Variants in OR2V1 observed in about 807,000 individuals in gnomAD.
OR2V1 encodes the protein olfactory receptor family 2 subfamily V member 1, also known as olfactory receptor 2V1.
OR2V1 carries 18 observed loss-of-function variants against 15.0 expected under a neutral mutation model. That is an observed-to-expected ratio of 1.20 (90% CI 0.83 to 1.78). The LOEUF (loss-of-function observed/expected upper bound fraction) is 1.78. Among genes scored for constraint, OR2V1 ranks in the 40% most tolerant of loss-of-function variants. The probability of loss-of-function intolerance (pLI) is 0.00; values close to 1 mark genes in which losing one functional copy is unlikely to be tolerated. For synonymous variants in OR2V1, 144 were observed against 146.1 expected (o/e 0.99, Z 0.10); for missense variants, 359 against 392.9 (o/e 0.91, Z 0.73).
rs770303238 is a variant in OR2V1 at position 181,131,133 on chromosome 5, G to C, written c.-204C>G. 1 of 152,300 alleles carries C rather than the reference G, an allele frequency of 6.6e-6. No individual in the cohort carries two copies. Among genetic ancestry groups the C allele is most frequent in the Non-Finnish European group, 1.5e-5 (1 of 68,104 alleles). 9.4% of individuals were successfully genotyped at this position (152,300 alleles called of 1,614,324 possible). ...GCGTTTCTGCAGGGTCAGTGTCTTC[G>C]TGGGCTGCTGGGGATGGGGCTGAAG... On this transcript the variant is annotated 5_prime_UTR_variant, in exon 1 of 4. Coordinates refer to ENST00000641551, the MANE Select transcript of OR2V1 (RefSeq NM_001258283.2).
chr5:181,130,404 A>T, intron 1 of OR2V1, 189 bp from the exon 2 acceptor site: 1 of 395,174 alleles, frequency 2.5e-6, no homozygotes, highest in Non-Finnish European at 4.5e-6. Context: ...CAAGGCTCAC[A>T]CAGACCACAG....
rs1762824994 is a variant in OR2V1, at chr5:181,123,180, T to C, written c.*1177A>G. 1 of 152,220 alleles carries C rather than the reference T, an allele frequency of 6.6e-6. No individual in the cohort carries two copies. The highest frequency in any genetic ancestry group is 1.5e-5 in the Non-Finnish European group (1 of 68,046). The allele number at this position is 152,220 out of a possible 1,614,324, so 9.4% of individuals were successfully genotyped here. Reference sequence around the variant, plus strand: ...CTCTCTTCTTGCATTCATTCAATAATGTTTTATTGAGCAACTGCTACTTAT... The same window carrying C: ...CTCTCTTCTTGCATTCATTCAATAACGTTTTATTGAGCAACTGCTACTTAT... On this transcript the variant is annotated 3_prime_UTR_variant, in exon 4 of 4. Coordinates refer to ENST00000641551, the MANE Select transcript of OR2V1 (RefSeq NM_001258283.2).
At chr5:181,125,885 T>C (rs1762865810) in intron 3 of OR2V1, among the ~76,000 whole-genome samples, 1 of 152,108 alleles carries the variant, frequency 6.6e-6, no homozygotes, top group African/African-American at 2.4e-5. Context: ...CTCGGGAGGC[T>C]GAGGCAGGAG....
chr5:181,126,553 C>A (rs1250386797), intron 3 of OR2V1, among the ~76,000 whole-genome samples: 2 of 151,770 alleles, frequency 1.3e-5, no homozygotes. Context: ...CAGACACACA[C>A]ATATACACAT....
chr5:181,127,045 AC>A (rs1320731284), intron 3 of OR2V1, among the ~76,000 whole-genome samples: 2 of 152,074 alleles, frequency 1.3e-5, no homozygotes, highest in East Asian at 3.9e-4. Context: ...CCGGATGAAA[AC>A]GCTGAATGTC....
intron 3 of OR2V1, among the ~76,000 whole-genome samples, chr5:181,127,331 TG>T (rs534547798): frequency 9.2e-5 from 14 of 152,328 alleles, no homozygotes; most frequent in African/African-American, 3.4e-4. Context: ...TCATTGGCCT[TG>T]GTCTGAGTGT....
In OR2V1 at chr5:181,128,343, G is replaced by A. The variant is rs192219649; in HGVS notation, c.-22+1177C>T. On this transcript the variant is annotated intron_variant, in intron 3 of 3. Transcript: ENST00000641551. ...TAGAGTGTCCCTGGAGGATGGCAAC[G>A]GCCCCAACTGCATTTGCCTCCCAGT... Among the ~76,000 whole-genome samples the A allele has an allele frequency of 2.7e-3, 418 of 152,222 alleles. 1 individual carries two copies. The highest frequency in any genetic ancestry group is 4.8e-3 in the Non-Finnish European group (324 of 68,004).
At chr5:181,127,117 C>T (rs562539264) in intron 3 of OR2V1, among the ~76,000 whole-genome samples, 132 of 152,380 alleles carry the variant, frequency 8.7e-4, no homozygotes, top group Admixed American at 1.9e-3. Flanking sequence ...ATCTGACACC[C>T]ACAGGCTCCC....
At chr5:181,130,860 A>G (rs985343215) in intron 1 of OR2V1, among the ~76,000 whole-genome samples, 190 bp downstream of exon 1, 2 of 152,126 alleles carry the variant, frequency 1.3e-5, no homozygotes, top group Admixed American at 6.5e-5. Flanking sequence ...AGCGACCTCC[A>G]GGGCCCTCAT....
Position 181,128,498 on chromosome 5 carries a change from A to G in OR2V1, c.-22+1022T>C, listed in dbSNP as rs766924020. Among the ~76,000 whole-genome samples, 3 of 151,838 alleles carry G rather than the reference A, an allele frequency of 2.0e-5. No individual in the cohort carries two copies. The East Asian group carries it at 5.8e-4, about 29-fold the overall frequency. The stretch of plus-strand genomic sequence containing the variant: ...GACTCATCAGCAGCCCTCCACCACC[A>G]CCCACGCCTTTCCTTCCACTCTCCC... On this transcript the variant is annotated intron_variant, in intron 3 of 3. Transcript: ENST00000641551.
chr5:181,129,012 G>C (rs977165352), intron 3 of OR2V1, among the ~76,000 whole-genome samples: 4 of 152,180 alleles, frequency 2.6e-5, no homozygotes, highest in Admixed American at 2.6e-4. Flanking sequence ...AGGATAGCTC[G>C]AGGTAGGAGT....
intron 3 of OR2V1, among the ~76,000 whole-genome samples, chr5:181,128,943 G>A (rs751067923): frequency 2.0e-5 from 3 of 152,180 alleles, no homozygotes; most frequent in Admixed American, 6.5e-5. Context: ...TAAAAATTTT[G>A]TTGGCCAAGT....
chr5:181,127,653 G>C (rs2113328559), intron 3 of OR2V1, among the ~76,000 whole-genome samples: 1 of 152,212 alleles, frequency 6.6e-6, no homozygotes, highest in South Asian at 2.1e-4. Context: ...AGCTTGTCCT[G>C]GTTCATGCCC....
At chr5:181,130,501 C>T in intron 1 of OR2V1, 1 of 356,346 alleles carries the variant, frequency 2.8e-6, no homozygotes, top group East Asian at 4.2e-5. Flanking sequence ...TGAGCCCACC[C>T]AGGATTCCCA....
Position 181,124,282 on chromosome 5 carries a change from A to G in OR2V1, c.*75T>C, listed in dbSNP as rs1411537027. On this transcript the variant is annotated 3_prime_UTR_variant, in exon 4 of 4. Coordinates refer to ENST00000641551, the MANE Select transcript of OR2V1 (RefSeq NM_001258283.2). ...ACCATCAACAGGTGAATGGAAACAG[A>G]CACTCACAAAGGTTGAGTGACTTCC... is the stretch of plus-strand genomic sequence containing the variant. 8 of 1,318,444 alleles carry G rather than the reference A, an allele frequency of 6.1e-6. No homozygotes were observed. In the East Asian group the frequency reaches 1.3e-4, roughly 21 times the overall value. 81.7% of individuals were successfully genotyped at this position (1,318,444 alleles called of 1,614,324 possible). A position where few individuals can be genotyped will look rare whatever the true frequency, so the allele number is the denominator to read the frequency against.
chr5:181,126,796 A>G (rs1430341307), intron 3 of OR2V1, among the ~76,000 whole-genome samples: 2 of 152,006 alleles, frequency 1.3e-5, no homozygotes, highest in Non-Finnish European at 1.5e-5. Context: ...ACATAGACAC[A>G]GTTACACACC....
Position 181,124,783 on chromosome 5 carries a change from G to T in OR2V1, c.522C>A (p.Ser174Arg). ...AMGLPYCGSR[S>R]VDHFFCEVQA... ...GTACCTCACAGAAAAAGTGATCCACGCTCCTTGAGCCACAGTAAGGTAAGC... is the reference window on the plus strand; with the variant it reads ...GTACCTCACAGAAAAAGTGATCCACTCTCCTTGAGCCACAGTAAGGTAAGC... Residue 174 changes from serine to arginine, a missense_variant, in exon 4 of 4, where the codon AGC (serine) becomes AGA (arginine). Ser to Arg is a moderately radical substitution (Grantham distance 110). Coordinates refer to ENST00000641551, the MANE Select transcript of OR2V1 (RefSeq NM_001258283.2). 1 of 1,596,832 alleles carries T rather than the reference G, an allele frequency of 6.3e-7. No homozygotes were observed. Among genetic ancestry groups the T allele is most frequent in the East Asian group, 2.2e-5 (1 of 44,506 alleles).
intron 1 of OR2V1, chr5:181,130,566 C>T: frequency 3.6e-6 from 1 of 275,824 alleles, no homozygotes; most frequent in Non-Finnish European, 6.8e-6. Flanking sequence ...CTCCCACTGC[C>T]CACACAGGTA....
intron 3 of OR2V1, among the ~76,000 whole-genome samples, chr5:181,128,111 C>T (rs895437913): frequency 8.6e-5 from 13 of 152,044 alleles, no homozygotes; most frequent in African/African-American, 1.7e-4. Flanking sequence ...CCTGTTCTCC[C>T]GCTCTCAGCT....
Sources: gnomAD v4.1 joint callset for allele counts (sites outside exome capture counted in the v4.1 genomes callset) on GRCh38, gnomAD v4.1.1 for gene constraint, MANE v1.5 for transcripts, NCBI Gene and HGNC (gene_info 2026-07-23, HGNC 2026-07-21) for gene names.